PICALM: variants seen among roughly 807,000 people sequenced by gnomAD.
The protein encoded by PICALM is phosphatidylinositol-binding clathrin assembly protein.
In PICALM, 40 loss-of-function variants were observed where a neutral mutation model predicts 80.5. That is an observed-to-expected ratio of 0.50 (90% CI 0.39 to 0.65). The LOEUF (loss-of-function observed/expected upper bound fraction) is 0.65. Among genes scored for constraint, PICALM ranks in the 30% least tolerant of loss-of-function variants. The probability of loss-of-function intolerance (pLI) is 0.00; values close to 1 mark genes in which losing one functional copy is unlikely to be tolerated. For synonymous variants in PICALM, 288 were observed against 260.3 expected (o/e 1.11, Z -1.02); for missense variants, 676 against 778.9 (o/e 0.87, Z 1.57).
chr11:85,997,046 A>T (rs1156628086), intron 11 of PICALM, 117 bp from the exon 12 acceptor site: 1 of 577,262 alleles, frequency 1.7e-6, no homozygotes, highest in Non-Finnish European at 3.0e-6. Flanking sequence ...AAGTCTCATT[A>T]ATATAAATCT....
Position 86,028,326 on chromosome 11 carries a change from G to A in PICALM, c.274-1959C>T, listed in dbSNP as rs544834159. On this transcript the variant is annotated intron_variant, in intron 2 of 19. Coordinates refer to ENST00000393346, the MANE Select transcript of PICALM (RefSeq NM_007166.4). ...ACCTTCATTTAAAGAATGGCAATGT[G>A]GAAGGTGGGTGATTAGGTACATAAG... Among the ~76,000 whole-genome samples the A allele has an allele frequency of 2.6e-5, 4 of 152,264 alleles. No homozygotes were observed. The South Asian group carries it at 8.3e-4, about 32-fold the overall frequency.
At chr11:86,026,220 A>G (rs2136629503) in intron 3 of PICALM, 72 bp downstream of exon 3, 6 of 805,736 alleles carry the variant, frequency 7.4e-6, no homozygotes, top group East Asian at 5.1e-5. Context: ...TAAAAGACAG[A>G]GTTCTACTCT....
intron 3 of PICALM, among the ~76,000 whole-genome samples, chr11:86,024,763 A>G (rs916995025): frequency 7.2e-5 from 11 of 152,258 alleles, no homozygotes; most frequent in Admixed American, 4.6e-4. Context: ...TTGCTCTGTA[A>G]ATCTTAAATA....
intron 19 of PICALM, among the ~76,000 whole-genome samples, chr11:85,970,383 A>C (rs1043340741): frequency 2.0e-5 from 3 of 152,244 alleles, no homozygotes; most frequent in Middle Eastern, 3.2e-3. Flanking sequence ...ACTTATTGAG[A>C]ATTGTAAAAG....
chr11:86,062,697 A>T (rs993517365), intron 1 of PICALM, among the ~76,000 whole-genome samples: 1 of 152,178 alleles, frequency 6.6e-6, no homozygotes, highest in Non-Finnish European at 1.5e-5. Context: ...CTCTGAACAT[A>T]ATTTTTAATA....
At chr11:85,995,324 T>C (rs1383687722) in intron 12 of PICALM, among the ~76,000 whole-genome samples, 1 of 152,198 alleles carries the variant, frequency 6.6e-6, no homozygotes, top group Non-Finnish European at 1.5e-5. Context: ...TAAAACATGA[T>C]TAAATGTATT....
intron 1 of PICALM, among the ~76,000 whole-genome samples, chr11:86,042,943 G>A (rs2096001503): frequency 6.6e-6 from 1 of 152,080 alleles, no homozygotes; most frequent in Non-Finnish European, 1.5e-5. Context: ...GATAATTCTG[G>A]AGAGGTTAAA....
At chr11:86,022,917 C>G (rs1359222939) in intron 3 of PICALM, among the ~76,000 whole-genome samples, 5 of 151,880 alleles carry the variant, frequency 3.3e-5, no homozygotes, top group African/African-American at 9.7e-5. Flanking sequence ...TTGTATGTGC[C>G]AACCTTATAA....
chr11:85,985,120 G>T lies in PICALM; in HGVS notation c.1409-1147C>A, dbSNP rs2135781506. Among the ~76,000 whole-genome samples, 4 of 152,198 alleles carry T rather than the reference G, an allele frequency of 2.6e-5. 1 individual carries two copies. The highest frequency in any genetic ancestry group is 2.6e-4 in the Admixed American group (4 of 15,290). Reference sequence around the variant, plus strand: ...ACCATTAGGGAGAAGTTAAACTTTTGGTGTCCTAAATTTAGGATCCCTTTC... The same window carrying T: ...ACCATTAGGGAGAAGTTAAACTTTTTGTGTCCTAAATTTAGGATCCCTTTC... On this transcript the variant is annotated intron_variant, in intron 13 of 19. Coordinates refer to ENST00000393346, the MANE Select transcript of PICALM (RefSeq NM_007166.4).
At chr11:86,021,379 G>A (rs776151711) in intron 4 of PICALM, among the ~76,000 whole-genome samples, 70 of 151,364 alleles carry the variant, frequency 4.6e-4, no homozygotes, top group Non-Finnish European at 9.1e-4. Flanking sequence ...TTTTTCAAAA[G>A]ACGATATGCA....
chr11:85,966,320 C>G (rs890462144), intron 19 of PICALM, among the ~76,000 whole-genome samples: 2 of 152,168 alleles, frequency 1.3e-5, no homozygotes, highest in African/African-American at 4.8e-5. Context: ...GATCCTTCCA[C>G]TTTAGCCTCC....
chr11:86,014,792 A>G, intron 5 of PICALM, 78 bp downstream of exon 5: 1 of 749,624 alleles, frequency 1.3e-6, no homozygotes, highest in Non-Finnish European at 2.1e-6. Context: ...AGAGTCTGTG[A>G]AAACTTGAGG....
intron 3 of PICALM, among the ~76,000 whole-genome samples, chr11:86,024,933 T>TGAGC (rs2095626394): frequency 6.6e-6 from 1 of 152,182 alleles, no homozygotes; most frequent in African/African-American, 2.4e-5. Context: ...TTTCCCTGAT[T>TGAGC]GAGCCTCACT....
intron 19 of PICALM, among the ~76,000 whole-genome samples, chr11:85,962,814 C>G (rs1394820179): frequency 6.6e-6 from 1 of 152,200 alleles, no homozygotes; most frequent in Admixed American, 6.5e-5. Flanking sequence ...ATAGCCAGGG[C>G]TAGCTAGGCT....
At chr11:85,979,888 T>C (rs1006225347) in intron 17 of PICALM, among the ~76,000 whole-genome samples, 2 of 152,178 alleles carry the variant, frequency 1.3e-5, no homozygotes, top group Admixed American at 6.5e-5. Flanking sequence ...TGACGAAAAT[T>C]TGTTGGTTGG....
At chr11:85,992,926 T>C (rs2094835046) in intron 12 of PICALM, among the ~76,000 whole-genome samples, 1 of 152,188 alleles carries the variant, frequency 6.6e-6, no homozygotes, top group Non-Finnish European at 1.5e-5. Flanking sequence ...GAAAACCAGT[T>C]CCTAATCTAC....
rs775583952 is a variant in PICALM at position 86,013,352 on chromosome 11, A to G, written c.547-960T>C. Among the ~76,000 whole-genome samples, 16 of 152,146 alleles carry G rather than the reference A, an allele frequency of 1.1e-4. 1 individual carries two copies. Among genetic ancestry groups the G allele is most frequent in the Admixed American group, 2.6e-4 (4 of 15,260 alleles). ...AAAAGATGAAAAAGCAAAAACAGAC[A>G]CCTGTTGAGAAGTTAGTGGCTCACC... is the stretch of plus-strand genomic sequence containing the variant. On this transcript the variant is annotated intron_variant, in intron 5 of 19. Coordinates refer to ENST00000393346, the MANE Select transcript of PICALM (RefSeq NM_007166.4).
intron 8 of PICALM, 116 bp downstream of exon 8, chr11:86,007,426 C>G: frequency 6.2e-6 from 4 of 641,598 alleles, no homozygotes; most frequent in South Asian, 4.7e-5. Context: ...AATGTTAAAA[C>G]TGGTCAAAAA....
intron 4 of PICALM, among the ~76,000 whole-genome samples, chr11:86,017,790 A>C (rs995672534): frequency 6.6e-6 from 1 of 152,238 alleles, no homozygotes; most frequent in African/African-American, 2.4e-5. Flanking sequence ...GCTGATAGAT[A>C]CGTAATAAAA....
Sources: gnomAD v4.1 joint callset for allele counts (sites outside exome capture counted in the v4.1 genomes callset) on GRCh38, gnomAD v4.1.1 for gene constraint, MANE v1.5 for transcripts, NCBI Gene and HGNC (gene_info 2026-07-23, HGNC 2026-07-21) for gene names.